Variants in DYM observed in about 807,000 individuals in gnomAD.
DYM encodes the protein dyggve-Melchior-Clausen syndrome protein.
Under a neutral mutation model 93.1 loss-of-function variants are expected in DYM, and 78 were observed. That is an observed-to-expected ratio of 0.84 (90% CI 0.70 to 1.01). The LOEUF is 1.01. Among genes scored for constraint, DYM ranks in the 50% least tolerant of loss-of-function variants. The pLI is 0.00. For missense variants in DYM, 789 were observed against 845.0 expected (o/e 0.93, Z 0.82); for synonymous variants, 321 against 319.7 (o/e 1.00, Z -0.04).
chr18:49,129,425 A>G (rs2083169191), intron 15 of DYM, among the ~76,000 whole-genome samples: 1 of 152,218 alleles, frequency 6.6e-6, no homozygotes, highest in Admixed American at 6.5e-5. Flanking sequence ...TCACAAGGCA[A>G]CCAGATAAAT....
chr18:49,345,766 A>G (rs964172704), intron 6 of DYM, among the ~76,000 whole-genome samples: 2 of 152,246 alleles, frequency 1.3e-5, no homozygotes, highest in African/African-American at 2.4e-5. Flanking sequence ...CATGATAAAA[A>G]CAAAAATATC....
chr18:49,202,909 G>T (rs1226337991), intron 14 of DYM, among the ~76,000 whole-genome samples: 4 of 137,850 alleles, frequency 2.9e-5, no homozygotes, highest in African/African-American at 1.1e-4. Flanking sequence ...GGTTGGGGGG[G>T]GTCAGCCCCC....
chr18:49,345,546 A>G (rs1192529753), intron 6 of DYM, among the ~76,000 whole-genome samples: 3 of 152,108 alleles, frequency 2.0e-5, no homozygotes, highest in Admixed American at 6.6e-5. Context: ...GAATACACCT[A>G]GTACCACATG....
chr18:49,191,916 T>C (rs528503587), intron 14 of DYM, among the ~76,000 whole-genome samples: 1 of 152,050 alleles, frequency 6.6e-6, no homozygotes, highest in Non-Finnish European at 1.5e-5. Flanking sequence ...AATACTGCTT[T>C]AATAGCTTTC....
intron 5 of DYM, among the ~76,000 whole-genome samples, chr18:49,372,565 A>G (rs2067141910): frequency 6.6e-6 from 1 of 152,176 alleles, no homozygotes. Context: ...CAACATGGCA[A>G]AACTCCGTCT....
intron 17 of DYM, among the ~76,000 whole-genome samples, chr18:49,083,485 C>G (rs1053937581): frequency 1.1e-4 from 17 of 152,110 alleles, no homozygotes; most frequent in African/African-American, 3.9e-4. Context: ...ATGTCTCTGT[C>G]TGATTTTGTT....
chr18:49,319,961 G>T (rs1220826027), intron 8 of DYM, among the ~76,000 whole-genome samples: 1 of 152,102 alleles, frequency 6.6e-6, no homozygotes, highest in Non-Finnish European at 1.5e-5. Flanking sequence ...AAGGACCATG[G>T]TATCACAAAG....
chr18:49,401,636 TCACACACACGCA>T (rs2070838342), intron 2 of DYM, among the ~76,000 whole-genome samples: 1 of 151,356 alleles, frequency 6.6e-6, no homozygotes, highest in African/African-American at 2.4e-5. Flanking sequence ...TCTCTCTCTC[TCACACACACGCA>T]CACACACACA....
intron 16 of DYM, among the ~76,000 whole-genome samples, chr18:49,107,644 G>A (rs573681498): frequency 6.6e-6 from 1 of 152,206 alleles, no homozygotes; most frequent in Admixed American, 6.5e-5. Flanking sequence ...CTCAGCTGCA[G>A]GTCTGTTGGA....
intron 2 of DYM, among the ~76,000 whole-genome samples, chr18:49,412,461 G>A (rs1039224077): frequency 1.3e-5 from 2 of 152,006 alleles, no homozygotes; most frequent in African/African-American, 4.8e-5. Context: ...GGAAATAAAG[G>A]TTTTGACTCA....
At position 49,249,634 on chromosome 18, in the gene DYM, C is replaced by T. The variant is rs192638101; in HGVS notation, c.1460+7376G>A. Among the ~76,000 whole-genome samples, 349 of 152,208 alleles carry T rather than the reference C, an allele frequency of 2.3e-3. 4 individuals are homozygous for T. The highest frequency in any genetic ancestry group is 4.1e-3 in the Non-Finnish European group (281 of 68,010). On this transcript the variant is annotated intron_variant, in intron 13 of 17. Transcript: ENST00000675505. ...TTGCCCAAAATAGAGGAGCTGACCA[C>T]GTAGTTCAACAACCAACTTCTGTTT...
chr18:49,147,785 C>T (rs544126118), intron 15 of DYM, among the ~76,000 whole-genome samples: 1 of 152,202 alleles, frequency 6.6e-6, no homozygotes. Flanking sequence ...GTCAGTGTGG[C>T]GATTCCTCAG....
chr18:49,332,736 T>C (rs1055482630), intron 7 of DYM, among the ~76,000 whole-genome samples: 2 of 152,204 alleles, frequency 1.3e-5, no homozygotes, highest in Non-Finnish European at 2.9e-5. Flanking sequence ...TGTGGCACCA[T>C]AATGATACTA....
chr18:49,276,045 T>C (rs115274355), intron 10 of DYM, among the ~76,000 whole-genome samples: 4,348 of 152,196 alleles, frequency 0.029, 215 homozygotes, highest in African/African-American at 0.097. Flanking sequence ...TGCTTTCCAA[T>C]CTAGATATGT....
At chr18:49,166,557 TA>T (rs2087900073) in intron 14 of DYM, among the ~76,000 whole-genome samples, 1 of 151,716 alleles carries the variant, frequency 6.6e-6, no homozygotes, top group Non-Finnish European at 1.5e-5. Flanking sequence ...TGAACTGCAT[TA>T]GGGGGTCCAT....
intron 6 of DYM, among the ~76,000 whole-genome samples, chr18:49,340,115 C>A (rs2146980406): frequency 1.3e-5 from 2 of 152,218 alleles, no homozygotes; most frequent in Middle Eastern, 3.4e-3. Flanking sequence ...CCACGCCCAG[C>A]TAATTTTTCT....
rs186065536 is a variant in DYM, at chr18:49,086,511, G to A, written c.2025+10891C>T. Among the ~76,000 whole-genome samples the A allele has an allele frequency of 1.1e-4, 16 of 152,276 alleles. No homozygotes were observed. In the East Asian group the frequency reaches 1.5e-3, roughly 15 times the overall value. ...ACTGGGGAATTAAGTCTCAACATAC[G>A]TTTGGAGGGGACATTCAAACCACAG... On this transcript the variant is annotated intron_variant, in intron 17 of 17. Transcript: ENST00000675505.
chr18:49,334,880 T>G (rs1211573700), intron 6 of DYM, among the ~76,000 whole-genome samples: 2 of 151,816 alleles, frequency 1.3e-5, no homozygotes, highest in Non-Finnish European at 2.9e-5. Flanking sequence ...CCAAAGCGGG[T>G]GGATCACCTG....
intron 15 of DYM, among the ~76,000 whole-genome samples, chr18:49,153,133 T>C (rs1025378851): frequency 3.3e-5 from 5 of 152,232 alleles, no homozygotes; most frequent in Non-Finnish European, 7.3e-5. Context: ...ATGGTAACTA[T>C]GTGAGGTGAT....
Sources: gnomAD v4.1 joint callset for allele counts (sites outside exome capture counted in the v4.1 genomes callset) on GRCh38, gnomAD v4.1.1 for gene constraint, MANE v1.5 for transcripts, NCBI Gene and HGNC (gene_info 2026-07-23, HGNC 2026-07-21) for gene names.